BTN3A1: variants seen among roughly 807,000 people sequenced by gnomAD.
The protein encoded by BTN3A1 is dJ45P21.3 (butyrophilin, subfamily 3, member A1).
Under a neutral mutation model 43.0 loss-of-function variants are expected in BTN3A1, and 24 were observed. The observed-to-expected ratio is 0.56, with a 90% CI of 0.40 to 0.78. The LOEUF (loss-of-function observed/expected upper bound fraction) is 0.78, where lower values mean the gene tolerates loss of function less well. Ranked by LOEUF, BTN3A1 falls within the 30% of genes least tolerant of loss-of-function variation. The pLI, the probability that BTN3A1 is intolerant of heterozygous loss-of-function variation, is 0.00. For synonymous variants in BTN3A1, 181 were observed against 234.7 expected, an observed-to-expected ratio of 0.77 and a Z score of 2.09; for missense variants, 533 against 626.2, an observed-to-expected ratio of 0.85 and a Z score of 1.59.
Position 26,409,822 on chromosome 6 carries a change from G to A in BTN3A1, c.917-72G>A, listed in dbSNP as rs991431460. ...CCCATCCCCACCGCAGAGCTCAGTT[G>A]CTTTTAAGGTTAATTTTTTAGAAAA... On this transcript the variant is annotated intron_variant, in intron 5 of 9. Coordinates refer to ENST00000289361, the MANE Select transcript of BTN3A1 (RefSeq NM_007048.6). The A allele has an allele frequency of 2.5e-6, 4 of 1,612,478 alleles. No individual in the cohort carries two copies. The East Asian group carries it at 8.9e-5, about 36-fold the overall frequency.
chr6:26,413,825 G>A lies in BTN3A1; in HGVS notation c.*133G>A. 7 of 1,568,798 alleles carry A rather than the reference G, an allele frequency of 4.5e-6. No homozygotes were observed. The highest frequency in any genetic ancestry group is 6.1e-6 in the Non-Finnish European group (7 of 1,156,470). On this transcript the variant is annotated 3_prime_UTR_variant, in exon 10 of 10. Coordinates refer to ENST00000289361, the MANE Select transcript of BTN3A1 (RefSeq NM_007048.6). ...ACTTTTCTCTGCTTCTCCCTGCCCA[G>A]CTCAGAGCTGAGGGCCTCCCCCTCC...
chr6:26,402,489 T>C (rs9379873), intron 1 of BTN3A1, 77 bp downstream of exon 1: 11,713 of 152,112 alleles, frequency 0.077, 566 homozygotes, highest in Non-Finnish European at 0.11. Context: ...GAGTGGTGAG[T>C]GGGCATGCAG....
chr6:26,403,274 T>A (rs976303303), intron 1 of BTN3A1, among the ~76,000 whole-genome samples: 1 of 152,080 alleles, frequency 6.6e-6, no homozygotes, highest in East Asian at 1.9e-4. Flanking sequence ...CCATATTGTC[T>A]AGGCTGGTCT....
Sources: allele counts gnomAD v4.1 joint callset (sites outside exome capture counted in the v4.1 genomes callset), GRCh38; gene constraint gnomAD v4.1.1; transcripts MANE v1.5; gene names NCBI Gene and HGNC (gene_info 2026-07-23, HGNC 2026-07-21).